Variants in TEX2 observed in about 807,000 individuals in gnomAD.
The protein encoded by TEX2 is testis-expressed protein 2.
In TEX2, 53 loss-of-function variants were observed where a neutral mutation model predicts 106.9. The ratio of observed to expected loss-of-function variants is 0.50; its 90% CI spans 0.40 to 0.62. TEX2 has a LOEUF of 0.62. TEX2 is among the 20% of genes least tolerant of loss of function. The pLI is 0.00. For synonymous variants in TEX2, 523 were observed against 534.8 expected (o/e 0.98, Z 0.30); for missense variants, 1,207 against 1,379.0 (o/e 0.88, Z 1.98).
intron 1 of TEX2, among the ~76,000 whole-genome samples, chr17:64,220,186 C>T (rs576642481): frequency 1.3e-5 from 2 of 152,212 alleles, no homozygotes; most frequent in South Asian, 2.1e-4. Flanking sequence ...CAACTTGACA[C>T]CTTATACAAA....
intron 2 of TEX2, among the ~76,000 whole-genome samples, chr17:64,206,134 C>A (rs2032821024): frequency 6.6e-6 from 1 of 152,186 alleles, no homozygotes; most frequent in Non-Finnish European, 1.5e-5. Context: ...TTTGCTGACT[C>A]TAAATGCCCC....
intron 1 of TEX2, among the ~76,000 whole-genome samples, chr17:64,259,147 T>C (rs2034243286): frequency 6.6e-6 from 1 of 152,156 alleles, no homozygotes; most frequent in South Asian, 2.1e-4. Flanking sequence ...ACGCAGCCAT[T>C]GGGAAATATG....
In TEX2 at chr17:64,162,902, C is replaced by T. The variant is rs2030950627; in HGVS notation, c.2672-1969G>A. On this transcript the variant is annotated intron_variant, in intron 7 of 11. Coordinates refer to ENST00000584379, the MANE Select transcript of TEX2 (RefSeq NM_001288732.2). The stretch of plus-strand genomic sequence containing the variant: ...CCCTTTTTCTGCATTCACCAGCCCA[C>T]CCTTACTTCTTGCTCTGTCTCCCTT... Among the ~76,000 whole-genome samples the T allele has an allele frequency of 2.0e-5, 3 of 152,174 alleles. No homozygotes were observed. The South Asian group carries it at 6.2e-4, about 32-fold the overall frequency.
chr17:64,169,186 A>G (rs1177982168), intron 7 of TEX2, among the ~76,000 whole-genome samples: 2 of 152,034 alleles, frequency 1.3e-5, no homozygotes, highest in Non-Finnish European at 1.5e-5. Context: ...TTACAGGCAC[A>G]CACCACCATG....
chr17:64,188,095 C>A, intron 5 of TEX2, 73 bp downstream of exon 5: 1 of 1,533,208 alleles, frequency 6.5e-7, no homozygotes, highest in South Asian at 1.2e-5. Context: ...AACAGGGCTT[C>A]GGAGCACTTA....
At chr17:64,218,702 C>T (rs2033264265) in intron 1 of TEX2, among the ~76,000 whole-genome samples, 1 of 152,142 alleles carries the variant, frequency 6.6e-6, no homozygotes, top group Non-Finnish European at 1.5e-5. Context: ...CAGGTGTGAG[C>T]CACCACACCC....
At position 64,171,190 on chromosome 17, in the gene TEX2, A is replaced by G; in HGVS notation, c.2581T>C (p.Phe861Leu). ...TCCGTCAGAGTGAGCTCATTCATAA[A>G]GTAGGGGAGCTAGAGGAAACAAGCA... is the stretch of plus-strand genomic sequence containing the variant. ...MKLSKIKLPYFMNELTLTELD... is the reference protein window; with the variant it reads ...MKLSKIKLPYLMNELTLTELD... The change falls in exon 7 of 12, where the codon TTT becomes CTT. Residue 861 changes from phenylalanine (F) to leucine (L), a missense_variant. Coordinates refer to ENST00000584379, the MANE Select transcript of TEX2 (RefSeq NM_001288732.2). The G allele has an allele frequency of 6.2e-7, 1 of 1,613,980 alleles. No homozygotes were observed. Among genetic ancestry groups the G allele is most frequent in the Non-Finnish European group, 8.5e-7 (1 of 1,179,896 alleles).
chr17:64,260,617 G>T (rs1402480317), intron 1 of TEX2, among the ~76,000 whole-genome samples: 2 of 152,188 alleles, frequency 1.3e-5, no homozygotes, highest in Non-Finnish European at 1.5e-5. Flanking sequence ...CCATTAGAGG[G>T]CTGCTCTAGG....
intron 1 of TEX2, 82 bp from the exon 2 acceptor site, chr17:64,214,324 T>C (rs1211723775): frequency 1.8e-5 from 22 of 1,196,848 alleles, no homozygotes; most frequent in Non-Finnish European, 2.6e-5. Context: ...GGAGCACAGA[T>C]GAAGCTGTTT....
At chr17:64,179,640 C>G (rs898008993) in intron 5 of TEX2, among the ~76,000 whole-genome samples, 1 of 152,304 alleles carries the variant, frequency 6.6e-6, no homozygotes, top group Non-Finnish European at 1.5e-5. Context: ...CCTGTGCCCT[C>G]TCTTGCTGGG....
chr17:64,193,467 C>A, intron 4 of TEX2, 92 bp downstream of exon 4: 3 of 640,486 alleles, frequency 4.7e-6, no homozygotes, highest in East Asian at 3.4e-5. Context: ...GGGTGGGCTT[C>A]CTTCCTTCCT....
At chr17:64,238,717 A>G (rs376731106) in intron 1 of TEX2, among the ~76,000 whole-genome samples, 2 of 152,306 alleles carry the variant, frequency 1.3e-5, no homozygotes, top group South Asian at 4.1e-4. Context: ...CCATGGTTCA[A>G]TTACCTCCCA....
intron 1 of TEX2, among the ~76,000 whole-genome samples, chr17:64,256,339 G>T (rs2143513104): frequency 6.6e-6 from 1 of 152,276 alleles, no homozygotes; most frequent in South Asian, 2.1e-4. Context: ...GGCAAAAGAG[G>T]TTAAGAAACT....
chr17:64,212,506 A>C, intron 2 of TEX2, 68 bp downstream of exon 2: 3 of 1,418,750 alleles, frequency 2.1e-6, no homozygotes, highest in Admixed American at 2.2e-5. Flanking sequence ...CCAAAAAACA[A>C]GTCAGATCTA....
In TEX2 at chr17:64,150,866, T is replaced by G. The variant is rs141393724; in HGVS notation, c.3236A>C (p.Glu1079Ala). Residue 1079 changes from glutamate (E) to alanine (A), a missense_variant, in exon 11 of 12, where the codon GAG becomes GCG. Glu to Ala is a moderately radical substitution (Grantham distance 107). Transcript: ENST00000584379. ...VTLVHVTDWI[E>A]KKLEQEFQKV... ...CTGAAACTCTTGCTCCAGTTTCTTC[T>G]CTATCCAGTCTGTCACATGAACTAA... 29 of 1,613,502 alleles carry G rather than the reference T, an allele frequency of 1.8e-5. No individual in the cohort carries two copies. Among genetic ancestry groups the G allele is most frequent in the Non-Finnish European group, 2.3e-5 (27 of 1,179,814 alleles).
At chr17:64,216,327 T>C (rs2033184044) in intron 1 of TEX2, among the ~76,000 whole-genome samples, 1 of 152,138 alleles carries the variant, frequency 6.6e-6, no homozygotes, top group Non-Finnish European at 1.5e-5. Context: ...AAAAGAAAAT[T>C]ATAGAGGTAA....
chr17:64,154,712 T>TA (rs1230288827), intron 9 of TEX2, 130 bp downstream of exon 9: 6 of 1,196,868 alleles, frequency 5.0e-6, no homozygotes, highest in African/African-American at 1.6e-5. Context: ...GGGATATTAA[T>TA]AAAAAAACCA....
intron 2 of TEX2, among the ~76,000 whole-genome samples, chr17:64,209,664 G>A (rs2143025665): frequency 6.6e-6 from 1 of 152,286 alleles, no homozygotes; most frequent in Non-Finnish European, 1.5e-5. Context: ...AGAAAACACT[G>A]TCCTACAAGG....
chr17:64,171,087 A>G lies in TEX2; in HGVS notation c.2671+13T>C. 1 of 1,603,444 alleles carries G rather than the reference A, an allele frequency of 6.2e-7. No individual in the cohort carries two copies. The highest frequency in any genetic ancestry group is 1.3e-5 in the African/African-American group (1 of 74,860). ...ATATTTTAACACTCATAGAATGGTC[A>G]GTTAGGAGTTACCTTGGTGATCAAC... On this transcript the variant is annotated intron_variant, in intron 7 of 11. Coordinates refer to ENST00000584379, the MANE Select transcript of TEX2 (RefSeq NM_001288732.2).
Sources: allele counts gnomAD v4.1 joint callset (sites outside exome capture counted in the v4.1 genomes callset), GRCh38; gene constraint gnomAD v4.1.1; transcripts MANE v1.5; gene names NCBI Gene and HGNC (gene_info 2026-07-23, HGNC 2026-07-21).